The following MYO1H variants were observed in gnomAD, a reference collection of about 807,000 sequenced individuals.
MYO1H encodes myosin IH.
In MYO1H, 118 loss-of-function variants were observed where a neutral mutation model predicts 149.3. The ratio of observed to expected loss-of-function variants is 0.79; its 90% confidence interval spans 0.68 to 0.92. MYO1H has a LOEUF of 0.92. Among genes scored for constraint, MYO1H ranks in the 40% least tolerant of loss-of-function variants. The probability of loss-of-function intolerance (pLI) is 0.00; values close to 1 mark genes in which losing one functional copy is unlikely to be tolerated. For synonymous variants in MYO1H, 447 were observed against 465.2 expected (o/e 0.96, Z 0.50); for missense variants, 1,212 against 1,280.7 (o/e 0.95, Z 0.82).
At chr12:109,397,069 C>T (rs1025034196) in intron 4 of MYO1H, among the ~76,000 whole-genome samples, 1 of 151,916 alleles carries the variant, frequency 6.6e-6, no homozygotes, top group Admixed American at 6.6e-5. Flanking sequence ...CTCAGGTGAC[C>T]TTCCCTGCAT....
chr12:109,384,209 G>A (rs1230615839), intron 1 of MYO1H, among the ~76,000 whole-genome samples: 1 of 152,130 alleles, frequency 6.6e-6, no homozygotes, highest in Non-Finnish European at 1.5e-5. Flanking sequence ...CCATCACCTG[G>A]CAGCTTGACT....
chr12:109,362,299 A>G (rs1868771005), intron 1 of MYO1H, among the ~76,000 whole-genome samples: 1 of 152,194 alleles, frequency 6.6e-6, no homozygotes, highest in Non-Finnish European at 1.5e-5. Context: ...TCAGCCTTCT[A>G]GTTTTGATGT....
chr12:109,432,725 C>G (rs953787202), intron 19 of MYO1H, among the ~76,000 whole-genome samples, 172 bp from the exon 20 acceptor site: 3 of 152,222 alleles, frequency 2.0e-5, no homozygotes, highest in African/African-American at 7.2e-5. Flanking sequence ...TCCTTTCTTT[C>G]TTGCAAAGTA....
At chr12:109,329,464 C>T in the MYO1H span, among the ~76,000 whole-genome samples, 1 of 152,106 alleles carries the variant, frequency 6.6e-6, no homozygotes, top group Non-Finnish European at 1.5e-5. Flanking sequence ...GAGAATCTTT[C>T]CAAGGGAGGC....
the MYO1H span, among the ~76,000 whole-genome samples, chr12:109,312,662 A>G: frequency 6.6e-6 from 1 of 152,182 alleles, no homozygotes; most frequent in African/African-American, 2.4e-5. Context: ...GGTCTGGAAT[A>G]TGTGATTTGT....
chr12:109,439,931 A>G, intron 24 of MYO1H, 141 bp downstream of exon 24: 1 of 748,462 alleles, frequency 1.3e-6, no homozygotes, highest in South Asian at 1.9e-5. Context: ...ATGCTGCACA[A>G]GAAATTGAAC....
At chr12:109,337,720 T>G in the MYO1H span, among the ~76,000 whole-genome samples, 1 of 152,080 alleles carries the variant, frequency 6.6e-6, no homozygotes, top group Non-Finnish European at 1.5e-5. Context: ...GAGATTTGGG[T>G]GGGGACACAG....
chr12:109,368,264 A>G (rs1273327290), intron 1 of MYO1H, among the ~76,000 whole-genome samples: 2 of 152,248 alleles, frequency 1.3e-5, no homozygotes, highest in Non-Finnish European at 2.9e-5. Flanking sequence ...TATCCCAAGC[A>G]AGTGCCTAAA....
intron 3 of MYO1H, among the ~76,000 whole-genome samples, chr12:109,395,481 A>G (rs1855854291): frequency 6.6e-6 from 1 of 152,148 alleles, no homozygotes; most frequent in African/African-American, 2.4e-5. Context: ...CACACCTGTA[A>G]TCCCAGCACT....
In MYO1H at chr12:109,443,064, G is replaced by A. The variant is rs369332719; in HGVS notation, c.2689-450G>A. Among the ~76,000 whole-genome samples, 120 of 67,758 alleles carry A rather than the reference G, an allele frequency of 1.8e-3. 4 individuals carry two copies. The highest frequency in any genetic ancestry group is 2.9e-3 in the African/African-American group (41 of 13,946). The allele number at this position is 67,758 out of a possible 152,430, so 44.5% of individuals were successfully genotyped here. A position where few individuals can be genotyped will look rare whatever the true frequency, so the allele number is the denominator to read the frequency against. The stretch of plus-strand genomic sequence containing the variant: ...TGTGTGTGTATATATGTGTACGTAT[G>A]TGTGTATATATGTGTACGTATGTGT... On this transcript the variant is annotated intron_variant, in intron 27 of 31. Coordinates refer to ENST00000310903, the Ensembl canonical transcript of MYO1H.
upstream of MYO1H, among the ~76,000 whole-genome samples, chr12:109,347,504 C>T (rs886973427): frequency 3.9e-5 from 6 of 152,126 alleles, no homozygotes; most frequent in African/African-American, 1.4e-4. Context: ...TAAAGTTTTT[C>T]AAACAGAGCC....
chr12:109,391,313 T>C (rs955797555), intron 2 of MYO1H, among the ~76,000 whole-genome samples: 3 of 152,230 alleles, frequency 2.0e-5, no homozygotes, highest in African/African-American at 4.8e-5. Context: ...TTCCCACTTA[T>C]TAGCAAGAAC....
intron 21 of MYO1H, 145 bp from the exon 22 acceptor site, chr12:109,436,343 A>G: frequency 1.6e-6 from 1 of 608,684 alleles, no homozygotes; most frequent in Non-Finnish European, 3.0e-6. Context: ...TCAGGTCTGC[A>G]GTGCTGAAAT....
In MYO1H at chr12:109,349,489, C is replaced by CG. The variant is rs1258366708; in HGVS notation, c.12+1517_12+1518insG. Among the ~76,000 whole-genome samples the CG allele has an allele frequency of 9.2e-5, 10 of 108,662 alleles. No homozygotes were observed. The East Asian group carries it at 1.6e-3, about 17-fold the overall frequency. 71.3% of individuals were successfully genotyped at this position (108,662 alleles called of 152,430 possible). ...ACCAGCATGAGCAACATAGTGTGAC[C>CG]CCCCCACCAAAAAAATTAAAAAGTA... is the stretch of plus-strand genomic sequence containing the variant. On this transcript the variant is annotated intron_variant, in intron 1 of 31. Transcript: ENST00000310903.
chr12:109,446,994 G>A (rs1592827096), intron 31 of MYO1H, 165 bp from the exon 32 acceptor site: 4 of 694,014 alleles, frequency 5.8e-6, no homozygotes, highest in East Asian at 2.7e-5. Flanking sequence ...GACAGGCCTC[G>A]ATGAGCCAGT....
At chr12:109,403,389 A>G (rs1870245736) in intron 6 of MYO1H, among the ~76,000 whole-genome samples, 1 of 152,258 alleles carries the variant, frequency 6.6e-6, no homozygotes, top group Non-Finnish European at 1.5e-5. Context: ...CTGTACCACA[A>G]AAGCAAAATA....
intron 1 of MYO1H, among the ~76,000 whole-genome samples, chr12:109,387,219 C>T (rs1451083067): frequency 3.9e-5 from 6 of 152,132 alleles, no homozygotes; most frequent in South Asian, 2.1e-4. Flanking sequence ...CTGTGAGCCA[C>T]CACACACAAC....
At chr12:109,311,218 G>A in the MYO1H span, among the ~76,000 whole-genome samples, 1 of 152,144 alleles carries the variant, frequency 6.6e-6, no homozygotes, top group Non-Finnish European at 1.5e-5. Context: ...TGTGAGTTCT[G>A]TAGACTCATG....
chr12:109,406,784 T>C lies in MYO1H; in HGVS notation c.964-5T>C, dbSNP rs1362057274. On this transcript the variant is annotated splice_region_variant and splice_polypyrimidine_tract_variant and intron_variant, in intron 8 of 31. Transcript: ENST00000310903. ...AATAGCATTCTGGATTTCTTTTACA[T>C]GCAGCTCCTGGGGGTCCACCCATCA... 17 of 1,613,758 alleles carry C rather than the reference T, an allele frequency of 1.1e-5. No homozygotes were observed. The highest frequency in any genetic ancestry group is 1.3e-5 in the African/African-American group (1 of 74,928).
Sources: gnomAD v4.1 joint callset for allele counts (sites outside exome capture counted in the v4.1 genomes callset) on GRCh38, gnomAD v4.1.1 for gene constraint, MANE v1.5 for transcripts, NCBI Gene and HGNC (gene_info 2026-07-23, HGNC 2026-07-21) for gene names.